The following ATRNL1 variants were observed in gnomAD, a reference collection of about 807,000 sequenced individuals.
ATRNL1 encodes attractin-like protein 1.
Under a neutral mutation model 182.7 loss-of-function variants are expected in ATRNL1, and 95 were observed. The ratio of observed to expected loss-of-function variants is 0.52; its 90% CI spans 0.44 to 0.62. ATRNL1 has a LOEUF of 0.62. Among genes scored for constraint, ATRNL1 ranks in the 20% least tolerant of loss-of-function variants. ATRNL1 has a pLI of 0.00. For synonymous variants in ATRNL1, 576 were observed against 568.3 expected (o/e 1.01, Z -0.19); for missense variants, 1,471 against 1,679.5 (o/e 0.88, Z 2.17).
chr10:115,758,392 A>G (rs1948646940), intron 27 of ATRNL1, among the ~76,000 whole-genome samples: 1 of 152,070 alleles, frequency 6.6e-6, no homozygotes, highest in South Asian at 2.1e-4. Context: ...CCTCTGCTAC[A>G]GGTCTGCTGG....
chr10:115,680,450 C>T (rs1946009947), intron 26 of ATRNL1, among the ~76,000 whole-genome samples: 1 of 152,130 alleles, frequency 6.6e-6, no homozygotes, highest in South Asian at 2.1e-4. Flanking sequence ...AAATTAGTTA[C>T]ATGGCCCTGC....
chr10:115,826,202 A>AT (rs11304130), intron 27 of ATRNL1, among the ~76,000 whole-genome samples: 2 of 151,282 alleles, frequency 1.3e-5, no homozygotes, highest in East Asian at 2.0e-4. Context: ...ATACTATCCC[A>AT]TTTTTTTTTC....
chr10:115,678,252 A>T (rs1555043660), intron 26 of ATRNL1, among the ~76,000 whole-genome samples: 1 of 152,164 alleles, frequency 6.6e-6, no homozygotes, highest in Non-Finnish European at 1.5e-5. Context: ...CATTATATTA[A>T]GAAACAGGTT....
intron 5 of ATRNL1, among the ~76,000 whole-genome samples, chr10:115,129,797 T>G (rs1845143114): frequency 6.6e-6 from 1 of 152,204 alleles, no homozygotes; most frequent in Non-Finnish European, 1.5e-5. Flanking sequence ...AGGTGTGTGA[T>G]AATTATGGTC....
At chr10:115,184,603 G>A (rs1293070985) in intron 8 of ATRNL1, among the ~76,000 whole-genome samples, 3 of 151,614 alleles carry the variant, frequency 2.0e-5, no homozygotes, top group Admixed American at 1.3e-4. Flanking sequence ...GTAGAGAATG[G>A]TATGGTAAAG....
intron 24 of ATRNL1, among the ~76,000 whole-genome samples, chr10:115,485,780 C>A (rs1270022423): frequency 6.6e-6 from 1 of 152,002 alleles, no homozygotes; most frequent in Non-Finnish European, 1.5e-5. Context: ...TTCTGGGGTA[C>A]ATGTGCAGAA....
intron 26 of ATRNL1, among the ~76,000 whole-genome samples, chr10:115,573,832 G>A (rs1180736468): frequency 1.3e-5 from 2 of 152,126 alleles, no homozygotes; most frequent in African/African-American, 4.8e-5. Context: ...AAGTCAGTAT[G>A]GGCACAGAGA....
chr10:115,247,312 T>TA (rs1199714102), intron 10 of ATRNL1, among the ~76,000 whole-genome samples: 4 of 151,840 alleles, frequency 2.6e-5, no homozygotes, highest in East Asian at 1.9e-4. Flanking sequence ...TTCTCAATGA[T>TA]AAAAAAAACC....
At chr10:115,691,753 A>G (rs1644273487) in intron 26 of ATRNL1, among the ~76,000 whole-genome samples, 2 of 152,054 alleles carry the variant, frequency 1.3e-5, no homozygotes, top group South Asian at 4.2e-4. Flanking sequence ...CAATCAATCT[A>G]TTCAGTTCCT....
At chr10:115,766,340 A>G (rs1555075048) in intron 27 of ATRNL1, among the ~76,000 whole-genome samples, 1 of 152,216 alleles carries the variant, frequency 6.6e-6, no homozygotes. Context: ...TACTGTGTGA[A>G]GGTATGTGCT....
chr10:115,481,455 T>C (rs1420923466), intron 24 of ATRNL1, among the ~76,000 whole-genome samples: 1 of 150,970 alleles, frequency 6.6e-6, no homozygotes, highest in East Asian at 1.9e-4. Context: ...TTCAAGGTAT[T>C]GTATATGATT....
chr10:115,135,768 C>T (rs545471866), intron 5 of ATRNL1, among the ~76,000 whole-genome samples: 3 of 152,048 alleles, frequency 2.0e-5, no homozygotes, highest in Admixed American at 6.6e-5. Context: ...GCATCACGCT[C>T]CCTGACTTCA....
chr10:115,476,250 T>G (rs923591853), intron 24 of ATRNL1, among the ~76,000 whole-genome samples: 29 of 151,416 alleles, frequency 1.9e-4, no homozygotes, highest in African/African-American at 6.8e-4. Context: ...AATTTCCAAT[T>G]TAGTTTTCGC....
intron 26 of ATRNL1, among the ~76,000 whole-genome samples, chr10:115,699,043 C>A (rs1271742933): frequency 6.6e-6 from 1 of 151,782 alleles, no homozygotes; most frequent in East Asian, 1.9e-4. Context: ...TTAACAGATG[C>A]TCAAGATTGT....
At chr10:115,467,889 G>C (rs1224278633) in intron 23 of ATRNL1, among the ~76,000 whole-genome samples, 3 of 150,238 alleles carry the variant, frequency 2.0e-5, no homozygotes, top group African/African-American at 7.3e-5. Flanking sequence ...AATTTTATTG[G>C]TATCTATTTT....
intron 26 of ATRNL1, among the ~76,000 whole-genome samples, chr10:115,702,888 A>G (rs1298275478): frequency 1.3e-5 from 2 of 152,034 alleles, no homozygotes; most frequent in Admixed American, 1.3e-4. Context: ...TCAAACTACC[A>G]AAGTCATTTT....
chr10:115,122,121 C>T (rs945305359), intron 3 of ATRNL1, among the ~76,000 whole-genome samples: 1 of 151,634 alleles, frequency 6.6e-6, no homozygotes, highest in African/African-American at 2.4e-5. Context: ...GATATATTAG[C>T]GTGAGTTCTA....
intron 27 of ATRNL1, among the ~76,000 whole-genome samples, chr10:115,816,857 A>C (rs1212986524): frequency 6.6e-6 from 1 of 152,170 alleles, no homozygotes; most frequent in Admixed American, 6.6e-5. Flanking sequence ...GAAATATTTT[A>C]GCAACAGTTG....
intron 5 of ATRNL1, among the ~76,000 whole-genome samples, chr10:115,138,867 G>A (rs1458254181): frequency 6.6e-6 from 1 of 152,168 alleles, no homozygotes; most frequent in Non-Finnish European, 1.5e-5. Flanking sequence ...GGCATTGTCA[G>A]GCTGCACATT....
Sources: allele counts gnomAD v4.1 joint callset (sites outside exome capture counted in the v4.1 genomes callset), GRCh38; gene constraint gnomAD v4.1.1; transcripts MANE v1.5; gene names NCBI Gene and HGNC (gene_info 2026-07-23, HGNC 2026-07-21).